The following NRG1 variants were observed in gnomAD, a reference collection of about 807,000 sequenced individuals.
The protein encoded by NRG1 is neuregulin 1.
Under a neutral mutation model 63.8 loss-of-function variants are expected in NRG1, and 18 were observed. That is an observed-to-expected ratio of 0.28 (90% CI 0.19 to 0.42). The LOEUF is 0.42. Ranked by LOEUF, NRG1 falls within the 10% of genes least tolerant of loss-of-function variation. NRG1 has a pLI of 1.00. For missense variants in NRG1, 762 were observed against 814.7 expected (o/e 0.94, Z 0.79); for synonymous variants, 302 against 301.3 (o/e 1.00, Z -0.02).
At chr8:31,927,950 T>C (rs1409551340) in intron 1 of NRG1, among the ~76,000 whole-genome samples, 1 of 150,720 alleles carries the variant, frequency 6.6e-6, no homozygotes, top group Admixed American at 6.6e-5. Context: ...ATGTGCCATG[T>C]TGGTGTGTGC....
chr8:31,716,118 T>A (rs892669496), intron 1 of NRG1, among the ~76,000 whole-genome samples: 8 of 152,208 alleles, frequency 5.3e-5, no homozygotes, highest in African/African-American at 1.7e-4. Flanking sequence ...ACCCAATATG[T>A]AATGATAGTC....
intron 1 of NRG1, among the ~76,000 whole-genome samples, chr8:32,088,483 T>C: frequency 6.6e-6 from 1 of 151,544 alleles, no homozygotes; most frequent in East Asian, 2.0e-4. Flanking sequence ...CTTGAATTCA[T>C]AGAAACTTGG....
At chr8:32,065,934 C>G (rs575801982) in intron 1 of NRG1, among the ~76,000 whole-genome samples, 135 of 152,262 alleles carry the variant, frequency 8.9e-4, no homozygotes, top group Non-Finnish European at 1.2e-3. Context: ...CTCTGATGGC[C>G]AGTGATGATG....
rs191019350 is a variant in NRG1 at position 31,965,801 on chromosome 8, C to G, written c.37+326370C>G. The stretch of plus-strand genomic sequence containing the variant: ...GCATTTCCATGAAAAAGAATGAAAT[C>G]ACGTCCTTTGCAGCAACATGGATGG... On this transcript the variant is annotated intron_variant, in intron 1 of 10. Transcript: ENST00000519301. 7.9e-5 allele frequency among the ~76,000 whole-genome samples: 12 copies of G among 152,198 alleles called. No individual in the cohort carries two copies. In the East Asian group the frequency reaches 2.1e-3, roughly 27 times the overall value.
chr8:31,959,355 A>T (rs932722258), intron 1 of NRG1, among the ~76,000 whole-genome samples: 4 of 152,338 alleles, frequency 2.6e-5, no homozygotes, highest in African/African-American at 7.2e-5. Flanking sequence ...TAAAACATAT[A>T]TGTATTACCT....
intron 1 of NRG1, among the ~76,000 whole-genome samples, chr8:32,245,301 G>A (rs897455126): frequency 6.6e-6 from 1 of 152,142 alleles, no homozygotes; most frequent in Non-Finnish European, 1.5e-5. Flanking sequence ...GTTAGGGAAA[G>A]AGAGAAAAAT....
rs572283171 is a variant in NRG1, at chr8:31,723,433, A to T, written c.37+84002A>T. On this transcript the variant is annotated intron_variant, in intron 1 of 10. Coordinates refer to the NRG1 transcript ENST00000519301. ...TTCCACTTTTCGTGTGATTCCTCTC[A>T]CTTTTTAACCTCTTTTCTCTTTTCC... 1.1e-4 allele frequency among the ~76,000 whole-genome samples: 17 copies of T among 152,196 alleles called. No individual in the cohort carries two copies. The South Asian group carries it at 3.5e-3, about 32-fold the overall frequency.
intron 1 of NRG1, among the ~76,000 whole-genome samples, chr8:31,752,754 T>C (rs62508561): frequency 0.2 from 31,074 of 151,782 alleles, 3,644 homozygotes; most frequent in Non-Finnish European, 0.26. Context: ...CAGAGGTGAA[T>C]AGGGAGAGGA....
intron 1 of NRG1, among the ~76,000 whole-genome samples, chr8:32,426,285 T>C (rs16879361): frequency 0.13 from 19,295 of 152,090 alleles, 1,467 homozygotes; most frequent in Admixed American, 0.24. Flanking sequence ...ACTACAGAAC[T>C]GAAACATCAA....
Position 32,737,374 on chromosome 8 carries a change from A to G in NRG1, c.633-5301A>G, listed in dbSNP as rs536224018. 2.6e-5 allele frequency among the ~76,000 whole-genome samples: 4 copies of G among 152,132 alleles called. No homozygotes were observed. In the East Asian group the frequency reaches 7.8e-4, roughly 30 times the overall value. ...GAGACCAGCCTGACCAACATGGCAA[A>G]ACCCCGTCTCTACTGAAAATACAAA... is the stretch of plus-strand genomic sequence containing the variant. On this transcript the variant is annotated intron_variant, in intron 6 of 11. Coordinates refer to ENST00000356819, the Ensembl canonical transcript of NRG1.
intron 1 of NRG1, among the ~76,000 whole-genome samples, chr8:32,246,407 G>C (rs1848593769): frequency 6.6e-6 from 1 of 152,092 alleles, no homozygotes. Flanking sequence ...TCTCCAAACA[G>C]GGCTCTGGAA....
intron 1 of NRG1, among the ~76,000 whole-genome samples, chr8:31,721,792 A>G (rs1812945189): frequency 6.6e-6 from 1 of 151,872 alleles, no homozygotes; most frequent in Non-Finnish European, 1.5e-5. Context: ...TGCTATGTAT[A>G]TTGCATCTCC....
At chr8:31,679,116 A>G (rs1329706689) in intron 1 of NRG1, among the ~76,000 whole-genome samples, 3 of 152,038 alleles carry the variant, frequency 2.0e-5, no homozygotes, top group South Asian at 2.1e-4. Flanking sequence ...CTTCTTTTGC[A>G]TGAAGGCTCT....
At chr8:32,131,053 G>C (rs1180021111) in intron 1 of NRG1, among the ~76,000 whole-genome samples, 1 of 151,924 alleles carries the variant, frequency 6.6e-6, no homozygotes, top group African/African-American at 2.4e-5. Flanking sequence ...AAAGAGGAAG[G>C]TTAATTAGCA....
At chr8:32,153,927 GC>G (rs2131846735) in intron 1 of NRG1, among the ~76,000 whole-genome samples, 1 of 152,310 alleles carries the variant, frequency 6.6e-6, no homozygotes, top group East Asian at 1.9e-4. Context: ...TGACTATTGA[GC>G]TTCCCGATAA....
At chr8:32,418,674 A>G (rs1318649456) in intron 1 of NRG1, among the ~76,000 whole-genome samples, 1 of 152,126 alleles carries the variant, frequency 6.6e-6, no homozygotes, top group Non-Finnish European at 1.5e-5. Context: ...AGTATAACAG[A>G]TATCAGAGGT....
At chr8:32,539,103 G>A (rs1317315112) in intron 1 of NRG1, among the ~76,000 whole-genome samples, 1 of 152,206 alleles carries the variant, frequency 6.6e-6, no homozygotes. Flanking sequence ...CCATAGTTCA[G>A]TGTGGCCAGG....
At chr8:32,306,155 T>TA (rs1856162960) in intron 1 of NRG1, among the ~76,000 whole-genome samples, 1 of 152,190 alleles carries the variant, frequency 6.6e-6, no homozygotes, top group South Asian at 2.1e-4. Flanking sequence ...AATTCTTTGT[T>TA]AAAGATGGCC....
At position 32,670,458 on chromosome 8, in the gene NRG1, G is replaced by C. The variant is rs141983601; in HGVS notation, c.502+53573G>C. Among the ~76,000 whole-genome samples the C allele has an allele frequency of 7.0e-3, 1,065 of 152,120 alleles. 3 individuals are homozygous for C. Among genetic ancestry groups the C allele is most frequent in the Middle Eastern group, 0.024 (7 of 294 alleles). Reference sequence around the variant, plus strand: ...CTCCAAAGAGAATGGCTGACTATAAGGGTTATTAGTGATATTTTGGGAGTT... The same window carrying C: ...CTCCAAAGAGAATGGCTGACTATAACGGTTATTAGTGATATTTTGGGAGTT... On this transcript the variant is annotated intron_variant, in intron 5 of 11. Coordinates refer to ENST00000356819, the Ensembl canonical transcript of NRG1.
Sources: gnomAD v4.1 joint callset for allele counts (sites outside exome capture counted in the v4.1 genomes callset) on GRCh38, gnomAD v4.1.1 for gene constraint, MANE v1.5 for transcripts, NCBI Gene and HGNC (gene_info 2026-07-23, HGNC 2026-07-21) for gene names.